Variants in IKZF3 observed in about 807,000 individuals in gnomAD.
IKZF3 encodes zinc finger protein Aiolos.
A neutral mutation model predicts 49.0 loss-of-function variants in IKZF3; 10 were observed. The observed-to-expected ratio is 0.20, with a 90% confidence interval of 0.13 to 0.35. The LOEUF (loss-of-function observed/expected upper bound fraction) is 0.35, where lower values mean the gene tolerates loss of function less well. Among genes scored for constraint, IKZF3 ranks in the 10% least tolerant of loss-of-function variants. The pLI, the probability that IKZF3 is intolerant of heterozygous loss-of-function variation, is 1.00. For synonymous variants in IKZF3, 209 were observed against 228.2 expected (o/e 0.92, Z 0.76); for missense variants, 498 against 664.8 (o/e 0.75, Z 2.76).
At chr17:39,783,597 G>A (rs2060799383) in intron 6 of IKZF3, among the ~76,000 whole-genome samples, 4 of 152,206 alleles carry the variant, frequency 2.6e-5, no homozygotes, top group Admixed American at 2.6e-4. Flanking sequence ...TGGGATTACA[G>A]GCGTGAGCCA....
At chr17:39,800,149 A>C (rs1054540447) in intron 3 of IKZF3, among the ~76,000 whole-genome samples, 2 of 152,208 alleles carry the variant, frequency 1.3e-5, no homozygotes, top group African/African-American at 2.4e-5. Context: ...TCTTTTGTAA[A>C]GTGAATAAAC....
chr17:39,771,962 G>A (rs943980345), intron 7 of IKZF3, among the ~76,000 whole-genome samples: 5 of 151,002 alleles, frequency 3.3e-5, no homozygotes, highest in Non-Finnish European at 5.9e-5. Flanking sequence ...TGCTTGGGCC[G>A]GTCTCAAATT....
At chr17:39,788,830 C>G (rs966076676) in intron 5 of IKZF3, among the ~76,000 whole-genome samples, 1 of 152,182 alleles carries the variant, frequency 6.6e-6, no homozygotes, top group Admixed American at 6.5e-5. Flanking sequence ...AACTGATGGC[C>G]TTTTCAGAAC....
chr17:39,780,760 G>A (rs1343849871), intron 6 of IKZF3, among the ~76,000 whole-genome samples: 2 of 152,126 alleles, frequency 1.3e-5, no homozygotes, highest in African/African-American at 2.4e-5. Context: ...GCTGAGGTGA[G>A]AGGATGGCTT....
In IKZF3 at chr17:39,834,756, GA is replaced by G. The variant is rs202076796; in HGVS notation, c.8-2606del. 5.1e-4 allele frequency among the ~76,000 whole-genome samples: 77 copies of G among 151,004 alleles called. No individual in the cohort carries two copies. In the East Asian group the frequency reaches 7.4e-3, roughly 14 times the overall value. On this transcript the variant is annotated intron_variant, in intron 1 of 7. Coordinates refer to ENST00000346872, the MANE Select transcript of IKZF3 (RefSeq NM_012481.5). Reference sequence around the variant, plus strand: ...ATCTGGCTGAGGCTTTATTTTGGAGGAAAAAAAAATGATGTAATTGTTTTGT... The same window carrying G: ...ATCTGGCTGAGGCTTTATTTTGGAGGAAAAAAAATGATGTAATTGTTTTGT...
chr17:39,778,593 G>A (rs549814239), intron 6 of IKZF3, among the ~76,000 whole-genome samples: 2 of 152,122 alleles, frequency 1.3e-5, no homozygotes, highest in South Asian at 2.1e-4. Flanking sequence ...ACCTGAGGTC[G>A]GAGTTCGAGA....
intron 3 of IKZF3, among the ~76,000 whole-genome samples, chr17:39,827,487 T>A (rs1020048491): frequency 7.9e-5 from 12 of 151,774 alleles, no homozygotes; most frequent in Non-Finnish European, 2.9e-5. Context: ...TAATTTTTTT[T>A]TATAGAGATG....
chr17:39,779,467 A>C (rs1237880807), intron 6 of IKZF3, among the ~76,000 whole-genome samples: 1 of 152,130 alleles, frequency 6.6e-6, no homozygotes, highest in Non-Finnish European at 1.5e-5. Context: ...ATCTCCAAAA[A>C]ATAAATAAAT....
At chr17:39,854,093 T>C (rs958898354) in intron 1 of IKZF3, among the ~76,000 whole-genome samples, 2 of 152,168 alleles carry the variant, frequency 1.3e-5, no homozygotes, top group Non-Finnish European at 2.9e-5. Flanking sequence ...GCCACTGCAT[T>C]CCGGCCTGGG....
rs1490356906 is a variant in IKZF3 at position 39,778,205 on chromosome 17, T to C, written c.710-438A>G. 8 of 986,156 alleles carry C rather than the reference T, an allele frequency of 8.1e-6. No homozygotes were observed. In the East Asian group the frequency reaches 3.4e-4, roughly 42 times the overall value. The allele number at this position is 986,156 out of a possible 1,614,324, so 61.1% of individuals were successfully genotyped here. ...TGCCCCAGATTTACTGCTCTGTTTA[T>C]GTTAACAGCACTTTTGAAAATAGGT... is the stretch of plus-strand genomic sequence containing the variant. On this transcript the variant is annotated intron_variant, in intron 6 of 7. Coordinates refer to ENST00000346872, the MANE Select transcript of IKZF3 (RefSeq NM_012481.5).
intron 7 of IKZF3, among the ~76,000 whole-genome samples, chr17:39,776,531 A>G (rs2060594281): frequency 6.6e-6 from 1 of 152,214 alleles, no homozygotes; most frequent in Non-Finnish European, 1.5e-5. Context: ...TCTCTGACAC[A>G]ATTTGTTCTT....
intron 3 of IKZF3, among the ~76,000 whole-genome samples, chr17:39,827,141 G>A (rs977324558): frequency 6.6e-6 from 1 of 152,144 alleles, no homozygotes; most frequent in Non-Finnish European, 1.5e-5. Context: ...GGGATTACAC[G>A]TGAGTACCGC....
intron 1 of IKZF3, among the ~76,000 whole-genome samples, chr17:39,857,273 A>T (rs190412318): frequency 7.9e-5 from 12 of 152,336 alleles, no homozygotes; most frequent in Non-Finnish European, 1.3e-4. Flanking sequence ...TGTGAGAGTG[A>T]TCTTTTTCTC....
At chr17:39,845,598 G>A (rs2144445283) in intron 1 of IKZF3, among the ~76,000 whole-genome samples, 1 of 152,024 alleles carries the variant, frequency 6.6e-6, no homozygotes, top group Admixed American at 6.6e-5. Flanking sequence ...GTCTATGGCT[G>A]CTTTTGTACT....
At chr17:39,835,492 G>A (rs551985617) in intron 1 of IKZF3, 26 of 441,910 alleles carry the variant, frequency 5.9e-5, no homozygotes, top group East Asian at 3.7e-4. Context: ...GGAGATCTCC[G>A]TCTTTGTACA....
At chr17:39,846,590 A>G (rs1342442841) in intron 1 of IKZF3, among the ~76,000 whole-genome samples, 2 of 150,994 alleles carry the variant, frequency 1.3e-5, no homozygotes. Flanking sequence ...GCAGGAGTCT[A>G]GTTAATTGAG....
At chr17:39,780,421 T>A (rs906083921) in intron 6 of IKZF3, among the ~76,000 whole-genome samples, 5 of 152,098 alleles carry the variant, frequency 3.3e-5, no homozygotes, top group Non-Finnish European at 7.4e-5. Context: ...TGGAGTGCAG[T>A]GGCATGATCA....
intron 3 of IKZF3, among the ~76,000 whole-genome samples, chr17:39,815,277 G>A (rs78510377): frequency 0.02 from 3,037 of 152,276 alleles, 114 homozygotes; most frequent in African/African-American, 0.07. Context: ...TATTTCAGTC[G>A]TTCAGGCCTT....
chr17:39,847,812 G>A (rs1338754074), intron 1 of IKZF3, among the ~76,000 whole-genome samples: 3 of 152,080 alleles, frequency 2.0e-5, no homozygotes, highest in Admixed American at 6.6e-5. Context: ...GCCAGTAATC[G>A]CCCAAGGGCA....
Sources: allele counts gnomAD v4.1 joint callset (sites outside exome capture counted in the v4.1 genomes callset), GRCh38; gene constraint gnomAD v4.1.1; transcripts MANE v1.5; gene names NCBI Gene and HGNC (gene_info 2026-07-23, HGNC 2026-07-21).